The following SPOCK3 variants were observed in gnomAD, a reference collection of about 807,000 sequenced individuals.
SPOCK3 encodes the protein testican-3.
SPOCK3 carries 30 observed loss-of-function variants against 56.6 expected under a neutral mutation model. The ratio of observed to expected loss-of-function variants is 0.53; its 90% CI spans 0.40 to 0.72. The LOEUF is 0.72. SPOCK3 is among the 30% of genes least tolerant of loss of function. The probability of loss-of-function intolerance (pLI) is 0.00; values close to 1 mark genes in which losing one functional copy is unlikely to be tolerated. For synonymous variants in SPOCK3, 196 were observed against 183.3 expected (o/e 1.07, Z -0.56); for missense variants, 527 against 530.0 (o/e 0.99, Z 0.06).
At chr4:167,220,278 G>A (rs983485564) in intron 2 of SPOCK3, among the ~76,000 whole-genome samples, 2 of 152,010 alleles carry the variant, frequency 1.3e-5, no homozygotes, top group African/African-American at 4.8e-5. Context: ...GGAGGGGGTG[G>A]TGGCACAACT....
At chr4:167,077,673 G>A (rs767866619) in intron 2 of SPOCK3, among the ~76,000 whole-genome samples, 4 of 151,756 alleles carry the variant, frequency 2.6e-5, no homozygotes, top group Admixed American at 6.6e-5. Context: ...TCATTTTATC[G>A]ATGCTCTGTA....
intron 6 of SPOCK3, among the ~76,000 whole-genome samples, chr4:166,823,278 T>C (rs954722): frequency 0.74 from 112,530 of 151,818 alleles, 41,752 homozygotes; most frequent in East Asian, 0.82. Context: ...TATTTTCCTT[T>C]ATCTTCTGAC....
At chr4:166,764,376 C>A (rs2126525681) in intron 7 of SPOCK3, among the ~76,000 whole-genome samples, 1 of 152,030 alleles carries the variant, frequency 6.6e-6, no homozygotes, top group Non-Finnish European at 1.5e-5. Context: ...GTGTGTGATG[C>A]TCCCCTTCCT....
intron 2 of SPOCK3, among the ~76,000 whole-genome samples, chr4:167,180,251 A>G (rs954139573): frequency 2.6e-5 from 4 of 152,188 alleles, no homozygotes; most frequent in Non-Finnish European, 5.9e-5. Flanking sequence ...TCTGACATAG[A>G]CATCAGAGGA....
chr4:167,069,474 T>A (rs980971881), intron 2 of SPOCK3, among the ~76,000 whole-genome samples: 1 of 151,872 alleles, frequency 6.6e-6, no homozygotes, highest in Admixed American at 6.6e-5. Flanking sequence ...TATCATAAGA[T>A]AAAAATAATA....
chr4:167,066,458 GTAAA>G (rs1756143857), intron 2 of SPOCK3, among the ~76,000 whole-genome samples: 1 of 151,798 alleles, frequency 6.6e-6, no homozygotes, highest in South Asian at 2.1e-4. Context: ...AGAGTTGTTG[GTAAA>G]TAAAGACAAA....
chr4:166,937,543 A>G (rs1740560861), intron 4 of SPOCK3, among the ~76,000 whole-genome samples: 1 of 147,926 alleles, frequency 6.8e-6, no homozygotes, highest in Non-Finnish European at 1.5e-5. Flanking sequence ...TATAATATAT[A>G]TTATATATTA....
At chr4:166,871,730 G>T (rs1192259790) in intron 6 of SPOCK3, among the ~76,000 whole-genome samples, 1 of 151,336 alleles carries the variant, frequency 6.6e-6, no homozygotes, top group African/African-American at 2.4e-5. Context: ...ACTAATGCCA[G>T]ATAAAGACAT....
intron 6 of SPOCK3, among the ~76,000 whole-genome samples, chr4:166,880,806 C>T (rs1026384689): frequency 1.3e-5 from 2 of 152,160 alleles, no homozygotes; most frequent in Non-Finnish European, 2.9e-5. Context: ...TTTCAAGCCT[C>T]AATTCTTACC....
chr4:166,935,856 T>C (rs1380380033), intron 4 of SPOCK3, among the ~76,000 whole-genome samples: 1 of 152,128 alleles, frequency 6.6e-6, no homozygotes, highest in African/African-American at 2.4e-5. Context: ...TCTAATATAT[T>C]TTGAAGATAG....
At chr4:166,784,362 T>C (rs888361872) in intron 7 of SPOCK3, among the ~76,000 whole-genome samples, 1 of 152,126 alleles carries the variant, frequency 6.6e-6, no homozygotes, top group Non-Finnish European at 1.5e-5. Context: ...TTTAGCTATA[T>C]ATGAATCGTA....
intron 6 of SPOCK3, among the ~76,000 whole-genome samples, chr4:166,843,332 T>A (rs1747696052): frequency 6.6e-6 from 1 of 152,226 alleles, no homozygotes; most frequent in Non-Finnish European, 1.5e-5. Flanking sequence ...ACCAGCACAT[T>A]GTCCCCTCTC....
At chr4:166,995,301 G>A (rs1219786735) in intron 4 of SPOCK3, among the ~76,000 whole-genome samples, 1 of 151,770 alleles carries the variant, frequency 6.6e-6, no homozygotes, top group African/African-American at 2.4e-5. Flanking sequence ...AGGAAACTAT[G>A]AAGTTTAGTT....
chr4:166,950,555 G>C (rs971009614), intron 4 of SPOCK3, among the ~76,000 whole-genome samples: 3 of 151,810 alleles, frequency 2.0e-5, no homozygotes, highest in Admixed American at 2.0e-4. Context: ...GAATACCCAG[G>C]AATTGAACTC....
chr4:166,881,253 T>A (rs959391325), intron 6 of SPOCK3, among the ~76,000 whole-genome samples: 5 of 151,890 alleles, frequency 3.3e-5, no homozygotes, highest in African/African-American at 1.2e-4. Flanking sequence ...TTTAGTCACT[T>A]GCAAAATGTC....
intron 2 of SPOCK3, among the ~76,000 whole-genome samples, chr4:167,196,763 C>T (rs1034755055): frequency 1.3e-5 from 2 of 151,890 alleles, no homozygotes; most frequent in Non-Finnish European, 2.9e-5. Flanking sequence ...TCAGGGTCCA[C>T]TCTTGACTCC....
At chr4:166,760,859 C>T (rs1737185422) in intron 7 of SPOCK3, among the ~76,000 whole-genome samples, 1 of 42,508 alleles carries the variant, frequency 2.4e-5, no homozygotes, top group East Asian at 3.4e-4. Flanking sequence ...TCCAAAACAC[C>T]AAAAGCAATG....
intron 4 of SPOCK3, among the ~76,000 whole-genome samples, chr4:166,915,035 T>G (rs1472230761): frequency 6.6e-6 from 1 of 151,972 alleles, no homozygotes; most frequent in Non-Finnish European, 1.5e-5. Flanking sequence ...TTTGCTGGAG[T>G]GAAATATAAT....
In SPOCK3 at chr4:167,165,488, C is replaced by A. The variant is rs559434948; in HGVS notation, c.189+68497G>T. Among the ~76,000 whole-genome samples, 3 of 152,106 alleles carry A rather than the reference C, an allele frequency of 2.0e-5. No homozygotes were observed. In the South Asian group the frequency reaches 6.2e-4, roughly 32 times the overall value. On this transcript the variant is annotated intron_variant, in intron 2 of 10. Transcript: ENST00000357545. ...ATCATCACTGGTCATTAGAGAAATG[C>A]AAATCAAAACCACAGTGAGATGCCA...
Sources: allele counts gnomAD v4.1 joint callset (sites outside exome capture counted in the v4.1 genomes callset), GRCh38; gene constraint gnomAD v4.1.1; transcripts MANE v1.5; gene names NCBI Gene and HGNC (gene_info 2026-07-23, HGNC 2026-07-21).